SGO1: variants seen among roughly 807,000 people sequenced by gnomAD.
SGO1 encodes the protein serologically defined breast cancer antigen NY-BR-85.
A neutral mutation model predicts 50.5 loss-of-function variants in SGO1; 39 were observed. The observed-to-expected ratio is 0.77, with a 90% confidence interval of 0.60 to 1.01. The LOEUF (loss-of-function observed/expected upper bound fraction) is 1.01, where lower values mean the gene tolerates loss of function less well. SGO1 is among the 50% of genes least tolerant of loss of function. SGO1 has a pLI of 0.00. For missense variants in SGO1, 638 were observed against 606.0 expected, an observed-to-expected ratio of 1.05 and a Z score of -0.55; for synonymous variants, 191 against 205.1, an observed-to-expected ratio of 0.93 and a Z score of 0.59.
downstream of SGO1, among the ~76,000 whole-genome samples, chr3:20,168,018 A>G (rs1474130499): frequency 6.6e-6 from 1 of 152,230 alleles, no homozygotes; most frequent in African/African-American, 2.4e-5. Context: ...TAAATCTCAA[A>G]AACAATATTG....
rs1442559861 is a variant in SGO1 at position 20,171,172 on chromosome 3, G to T, written c.1343C>A (p.Ser448Tyr). The T allele has an allele frequency of 5.6e-6, 9 of 1,612,538 alleles. No homozygotes were observed. The African/African-American group carries it at 1.2e-4, about 22-fold the overall frequency. The change falls in exon 7 of 8, where the codon TCC (serine) becomes TAC (tyrosine). Residue 448 changes from serine to tyrosine, a missense_variant. Physicochemically the swap from Ser to Tyr is moderately radical, Grantham distance 144. Transcript: ENST00000412997. Reference protein sequence around the residue: ...HLSLKDITNVSLYPVVKIRRL... With the variant: ...HLSLKDITNVYLYPVVKIRRL... ...TCTGATTTTCACAACAGGATACAAG[G>T]AGACATTGGTGATATCCTTCAGGCT... is the stretch of plus-strand genomic sequence containing the variant.
At chr3:20,182,482 C>G (rs958553195) in intron 3 of SGO1, among the ~76,000 whole-genome samples, 1 of 152,186 alleles carries the variant, frequency 6.6e-6, no homozygotes, top group Non-Finnish European at 1.5e-5. Flanking sequence ...CCTGACACCA[C>G]TGCTTTTTTT....
At chr3:20,186,443 T>C (rs1702682756), upstream of SGO1, 1 of 152,252 alleles carries the variant, frequency 6.6e-6, no homozygotes, top group Non-Finnish European at 1.5e-5. Flanking sequence ...CGGGTGGAGT[T>C]ACTCCGAAAC....
Position 20,171,023 on chromosome 3 carries a change from C to T in SGO1, c.1472+20G>A. On this transcript the variant is annotated intron_variant, in intron 7 of 7. Coordinates refer to ENST00000412997, the MANE Select transcript of SGO1 (RefSeq NM_001199251.3). ...CGACATGTATCATTAAAAATAAGTT[C>T]CCACAAACCAAATACTTACGAAGCG... 1 of 1,559,754 alleles carries T rather than the reference C, an allele frequency of 6.4e-7. No individual in the cohort carries two copies. The highest frequency in any genetic ancestry group is 8.6e-7 in the Non-Finnish European group (1 of 1,161,052).
downstream of SGO1, chr3:20,169,416 G>T: frequency 1.0e-6 from 1 of 984,914 alleles, no homozygotes; most frequent in Non-Finnish European, 1.2e-6. Flanking sequence ...AATGTCCAAG[G>T]ATGAGAATAG....
chr3:20,163,241 G>C (rs1436170053), intron 8 of SGO1, among the ~76,000 whole-genome samples: 1 of 151,848 alleles, frequency 6.6e-6, no homozygotes, highest in Admixed American at 6.6e-5. Flanking sequence ...CCCTTTTCCT[G>C]TTTGGAAAAA....
intron 3 of SGO1, among the ~76,000 whole-genome samples, chr3:20,182,194 T>C (rs1702093147): frequency 6.7e-6 from 1 of 148,640 alleles, no homozygotes; most frequent in Non-Finnish European, 1.5e-5. Context: ...TATGTGTGTA[T>C]ATATGTATAT....
intron 8 of SGO1, chr3:20,161,365 A>G (rs1200893360): frequency 1.5e-6 from 2 of 1,328,550 alleles, no homozygotes; most frequent in Non-Finnish European, 2.0e-6. Context: ...CAAACAATCA[A>G]AAGTCAGCAG....
intron 5 of SGO1, among the ~76,000 whole-genome samples, chr3:20,175,716 G>A (rs1000966733): frequency 6.6e-6 from 1 of 151,682 alleles, no homozygotes; most frequent in African/African-American, 2.4e-5. Context: ...GGAGAATGGC[G>A]TGAACCCAGG....
chr3:20,169,902 T>C lies in SGO1; in HGVS notation c.*802A>G. The C allele has an allele frequency of 1.0e-6, 1 of 983,284 alleles. No individual in the cohort carries two copies. The highest frequency in any genetic ancestry group is 1.2e-6 in the Non-Finnish European group (1 of 828,008). The allele number at this position is 983,284 out of a possible 1,614,324, so 60.9% of individuals were successfully genotyped here. On this transcript the variant is annotated 3_prime_UTR_variant, in exon 8 of 8. Transcript: ENST00000412997. ...TGTACCCTACTGTAAATGTCAAATA[T>C]TTATTTTACTCGAATACTACACAGA...
intron 6 of SGO1, 154 bp downstream of exon 6, chr3:20,174,095 C>T: frequency 1.6e-6 from 1 of 631,104 alleles, no homozygotes; most frequent in Non-Finnish European, 2.7e-6. Flanking sequence ...CAGCCCCCCA[C>T]TGTTTAATCA....
In SGO1 at chr3:20,184,051, A is replaced by AT. The variant is rs745540702; in HGVS notation, c.-7-18dup. The AT allele has an allele frequency of 1.9e-5, 30 of 1,543,006 alleles. No individual in the cohort carries two copies. The highest frequency in any genetic ancestry group is 8.7e-5 in the South Asian group (7 of 80,418). On this transcript the variant is annotated splice_polypyrimidine_tract_variant and intron_variant, in intron 1 of 7. Transcript: ENST00000412997. ...ATCTTTTGCCTAAACAATAAAAAAT[A>AT]TTTTTTCTCAGAGAGAATATTATCA...
intron 8 of SGO1, among the ~76,000 whole-genome samples, chr3:20,161,388 T>G (rs557458545): frequency 1.3e-5 from 2 of 151,972 alleles, no homozygotes; most frequent in East Asian, 3.9e-4. Context: ...ACAACAAATA[T>G]CAGAATTAGA....
intron 3 of SGO1, among the ~76,000 whole-genome samples, chr3:20,179,215 C>T (rs908282497): frequency 6.6e-6 from 1 of 152,116 alleles, no homozygotes; most frequent in African/African-American, 2.4e-5. Context: ...AAGTATACAG[C>T]ATCTGTGGGG....
At chr3:20,185,229 G>T (rs1382431811) in intron 1 of SGO1, among the ~76,000 whole-genome samples, 6 of 152,160 alleles carry the variant, frequency 3.9e-5, no homozygotes, top group African/African-American at 1.4e-4. Flanking sequence ...ACACAATTAA[G>T]TTAGAATTGG....
At position 20,174,281 on chromosome 3, in the gene SGO1, G is replaced by C; in HGVS notation, c.1250C>G (p.Thr417Arg). 6.2e-7 allele frequency: 1 copy of C among 1,614,042 alleles called. No individual in the cohort carries two copies. The highest frequency in any genetic ancestry group is 8.5e-7 in the Non-Finnish European group (1 of 1,179,966). ...AGTTTTTGTTGGCTTAGAACCCTCC[G>C]TCTCTTTTTCATCTGTGTATTTCAG... is the stretch of plus-strand genomic sequence containing the variant. ...RALKYTDEKE[T>R]EGSKPTKTPT... Residue 417 changes from threonine (T) to arginine (R), a missense_variant, in exon 6 of 8, where the codon ACG becomes AGG. Transcript: ENST00000412997.
intron 3 of SGO1, among the ~76,000 whole-genome samples, chr3:20,182,573 A>ATGATACACATTACTGTGTACAG (rs1224122501): frequency 1.3e-5 from 2 of 152,186 alleles, no homozygotes; most frequent in Non-Finnish European, 2.9e-5. Context: ...TTCGTAAGTA[A>ATGATACACATTACTGTGTACAG]TGATACACAT....
In SGO1 at chr3:20,170,556, T is replaced by G. The variant is rs139302138; in HGVS notation, c.*148A>C. Reference sequence around the variant, plus strand: ...AATACAAAGCATCCCATTTGAAGTATAGTTCTGAAGAAATGTTTATGAGCT... The same window carrying G: ...AATACAAAGCATCCCATTTGAAGTAGAGTTCTGAAGAAATGTTTATGAGCT... On this transcript the variant is annotated 3_prime_UTR_variant, in exon 8 of 8. Coordinates refer to ENST00000412997, the MANE Select transcript of SGO1 (RefSeq NM_001199251.3). 1 of 1,285,942 alleles carries G rather than the reference T, an allele frequency of 7.8e-7. No homozygotes were observed. Among genetic ancestry groups the G allele is most frequent in the Admixed American group, 4.1e-5 (1 of 24,678 alleles). The allele number at this position is 1,285,942 out of a possible 1,614,324, so 79.7% of individuals were successfully genotyped here. A position where few individuals can be genotyped will look rare whatever the true frequency, so the allele number is the denominator to read the frequency against.
downstream of SGO1, chr3:20,168,943 C>T (rs1700459477): frequency 2.0e-6 from 2 of 984,950 alleles, no homozygotes; most frequent in East Asian, 2.3e-4. Context: ...GGCTGAGAAA[C>T]TGACTTTTTA....
Sources: gnomAD v4.1 joint callset for allele counts (sites outside exome capture counted in the v4.1 genomes callset) on GRCh38, gnomAD v4.1.1 for gene constraint, MANE v1.5 for transcripts, NCBI Gene and HGNC (gene_info 2026-07-23, HGNC 2026-07-21) for gene names.